The following MGAT5 variants were observed in gnomAD, a reference collection of about 807,000 sequenced individuals.
MGAT5 encodes alpha-1,6-mannosylglycoprotein 6-beta-N-acetylglucosaminyltransferase.
Under a neutral mutation model 94.3 loss-of-function variants are expected in MGAT5, and 30 were observed. The observed-to-expected ratio is 0.32, with a 90% CI of 0.24 to 0.43. The LOEUF (loss-of-function observed/expected upper bound fraction) is 0.43. Among genes scored for constraint, MGAT5 ranks in the 20% least tolerant of loss-of-function variants. The pLI is 1.00. For missense variants in MGAT5, 691 were observed against 905.5 expected, an observed-to-expected ratio of 0.76 and a Z score of 3.04; for synonymous variants, 310 against 322.9, an observed-to-expected ratio of 0.96 and a Z score of 0.43.
rs532879779 is a variant in MGAT5 at position 134,143,538 on chromosome 2, G to A, written c.-143+23247G>A. ...ACTGTGAGCTGAAACCGCGCTCGGC[G>A]CATCCTGGATGCCTGGGAAGCGTTG... On this transcript the variant is annotated intron_variant, in intron 1 of 16. Coordinates refer to the MGAT5 transcript ENST00000409645. Among the ~76,000 whole-genome samples, 5 of 152,316 alleles carry A rather than the reference G, an allele frequency of 3.3e-5. No homozygotes were observed. In the South Asian group the frequency reaches 8.3e-4, roughly 25 times the overall value.
intron 2 of MGAT5, among the ~76,000 whole-genome samples, chr2:134,273,009 C>CTG (rs1055619041): frequency 3.2e-4 from 48 of 150,748 alleles, no homozygotes; most frequent in Non-Finnish European, 4.7e-4. Context: ...GTGTGTGTGT[C>CTG]TGTGTGTGTG....
intron 2 of MGAT5, among the ~76,000 whole-genome samples, chr2:134,295,654 C>T (rs1287218105): frequency 6.6e-6 from 1 of 152,162 alleles, no homozygotes; most frequent in Non-Finnish European, 1.5e-5. Flanking sequence ...TGTGCTGTTG[C>T]TGGCTGCAGC....
At chr2:134,420,725 A>G (rs1293192535) in intron 12 of MGAT5, among the ~76,000 whole-genome samples, 1 of 152,206 alleles carries the variant, frequency 6.6e-6, no homozygotes, top group Admixed American at 6.5e-5. Context: ...GGCAAACCCA[A>G]TATTTCCTAT....
intron 1 of MGAT5, among the ~76,000 whole-genome samples, chr2:134,192,117 C>T (rs906261865): frequency 1.8e-4 from 27 of 148,936 alleles, no homozygotes; most frequent in Admixed American, 1.8e-3. Context: ...CTCGCGCGAG[C>T]GGGTTCCTGA....
intron 1 of MGAT5, among the ~76,000 whole-genome samples, chr2:134,195,578 C>A (rs145820228): frequency 1.2e-3 from 179 of 152,132 alleles, no homozygotes; most frequent in Non-Finnish European, 2.1e-3. Flanking sequence ...AATTTATGTA[C>A]GTAGGTTTCC....
intron 10 of MGAT5, among the ~76,000 whole-genome samples, chr2:134,400,704 A>G (rs952494090): frequency 1.3e-4 from 20 of 152,300 alleles, no homozygotes; most frequent in African/African-American, 4.6e-4. Flanking sequence ...CACCACAGAC[A>G]TAGCCTAGGG....
intron 5 of MGAT5, among the ~76,000 whole-genome samples, chr2:134,337,135 G>A (rs1369558425): frequency 6.6e-6 from 1 of 152,148 alleles, no homozygotes; most frequent in African/African-American, 2.4e-5. Context: ...GTAGTTTGCT[G>A]TTCCATGCTG....
At chr2:134,232,956 C>T (rs775264235) in intron 1 of MGAT5, among the ~76,000 whole-genome samples, 1 of 152,168 alleles carries the variant, frequency 6.6e-6, no homozygotes, top group Non-Finnish European at 1.5e-5. Flanking sequence ...TAATGTAATT[C>T]TGTCTAGTGA....
intron 1 of MGAT5, among the ~76,000 whole-genome samples, chr2:134,160,205 G>A (rs759548456): frequency 2.2e-4 from 33 of 151,984 alleles, no homozygotes; most frequent in Non-Finnish European, 3.8e-4. Flanking sequence ...ATGGAGTCTC[G>A]TTCTGTTGTC....
chr2:134,451,583 A>G lies in MGAT5; in HGVS notation c.*2736A>G, dbSNP rs636975. The G allele has an allele frequency of 0.47, 71,444 of 152,186 alleles. 17,987 individuals carry two copies. Among genetic ancestry groups the G allele is most frequent in the Admixed American group, 0.63 (9,642 of 15,294 alleles). 9.4% of individuals were successfully genotyped at this position (152,186 alleles called of 1,614,324 possible). On this transcript the variant is annotated 3_prime_UTR_variant, in exon 16 of 16. Transcript: ENST00000281923. ...GCTGGAAGCCTGCGGAGGTTTTGCC[A>G]TTGCTGATCTTGATAGAATCCTAAA...
intron 1 of MGAT5, among the ~76,000 whole-genome samples, chr2:134,159,538 A>G (rs547928688): frequency 1.3e-5 from 2 of 152,268 alleles, no homozygotes; most frequent in Admixed American, 6.5e-5. Flanking sequence ...TAATTTTACT[A>G]TCTTCATAAG....
At chr2:134,248,958 G>T (rs1367926901) in intron 1 of MGAT5, among the ~76,000 whole-genome samples, 2 of 151,966 alleles carry the variant, frequency 1.3e-5, no homozygotes, top group African/African-American at 2.4e-5. Flanking sequence ...ATTGGCATTT[G>T]CCAGACAAGG....
chr2:134,189,592 G>GTTTTTT lies in MGAT5; in HGVS notation c.-142-64666_-142-64661dup, dbSNP rs113582076. Among the ~76,000 whole-genome samples, 215 of 56,244 alleles carry GTTTTTT rather than the reference G, an allele frequency of 3.8e-3. 5 individuals carry two copies. The highest frequency in any genetic ancestry group is 0.012 in the African/African-American group (186 of 16,082). 36.9% of individuals were successfully genotyped at this position (56,244 alleles called of 152,430 possible). On this transcript the variant is annotated intron_variant, in intron 1 of 16. Transcript: ENST00000409645. ...ACATATGACTAACCTCATGGCTCTAGTTTTTTTTTGTTTTTTTTTTTTTTT... is the reference window on the plus strand; with the variant it reads ...ACATATGACTAACCTCATGGCTCTAGTTTTTTTTTTTTTTTGTTTTTTTTTTTTTTT...
chr2:134,179,998 C>A (rs1397556394), intron 1 of MGAT5, among the ~76,000 whole-genome samples: 1 of 152,200 alleles, frequency 6.6e-6, no homozygotes, highest in Non-Finnish European at 1.5e-5. Context: ...GCATTGCATG[C>A]TAAAAGACTC....
chr2:134,416,079 T>C (rs1415377639), intron 12 of MGAT5, among the ~76,000 whole-genome samples: 2 of 152,238 alleles, frequency 1.3e-5, no homozygotes, highest in Non-Finnish European at 2.9e-5. Flanking sequence ...ATTGTAGATA[T>C]TAATTTTCCA....
intron 1 of MGAT5, among the ~76,000 whole-genome samples, chr2:134,120,741 C>G (rs1388636979): frequency 1.3e-5 from 2 of 151,692 alleles, no homozygotes; most frequent in African/African-American, 4.8e-5. Flanking sequence ...GGCCGGGGTC[C>G]TCGGGACCCA....
intron 10 of MGAT5, among the ~76,000 whole-genome samples, chr2:134,395,696 A>T (rs894197072): frequency 2.0e-5 from 3 of 152,252 alleles, no homozygotes; most frequent in South Asian, 2.1e-4. Context: ...TTGCAAATAC[A>T]GGACCATTGC....
upstream of MGAT5, among the ~76,000 whole-genome samples, chr2:134,251,167 A>C (rs2105493217): frequency 6.6e-6 from 1 of 152,136 alleles, no homozygotes; most frequent in South Asian, 2.1e-4. Flanking sequence ...CCTGGTTCAA[A>C]ATTAAGTAAT....
intron 1 of MGAT5, among the ~76,000 whole-genome samples, chr2:134,134,912 G>A (rs1456295055): frequency 1.3e-5 from 2 of 152,156 alleles, no homozygotes; most frequent in African/African-American, 2.4e-5. Flanking sequence ...AAACATCGAC[G>A]TTTCCAGTTA....
Sources: allele counts gnomAD v4.1 joint callset (sites outside exome capture counted in the v4.1 genomes callset), GRCh38; gene constraint gnomAD v4.1.1; transcripts MANE v1.5; gene names NCBI Gene and HGNC (gene_info 2026-07-23, HGNC 2026-07-21).